SACS: variants seen among roughly 807,000 people sequenced by gnomAD.
SACS encodes sacsin.
Under a neutral mutation model 348.0 loss-of-function variants are expected in SACS, and 197 were observed. That is an observed-to-expected ratio of 0.57 (90% CI 0.50 to 0.64). The LOEUF is 0.64. SACS is among the 30% of genes least tolerant of loss of function. The probability of loss-of-function intolerance (pLI) is 0.00; values close to 1 mark genes in which losing one functional copy is unlikely to be tolerated. For synonymous variants in SACS, 1,985 were observed against 1,910.6 expected, an observed-to-expected ratio of 1.04 and a Z score of -1.02; for missense variants, 4,999 against 5,360.8, an observed-to-expected ratio of 0.93 and a Z score of 2.11.
Position 23,329,124 on chromosome 13 carries a change from G to T in SACS, c.*1012C>A. 1 of 302,538 alleles carries T rather than the reference G, an allele frequency of 3.3e-6. No individual in the cohort carries two copies. The highest frequency in any genetic ancestry group is 6.0e-6 in the Non-Finnish European group (1 of 167,514). 18.7% of individuals were successfully genotyped at this position (302,538 alleles called of 1,614,324 possible). A position where few individuals can be genotyped will look rare whatever the true frequency, so the allele number is the denominator to read the frequency against. Reference sequence around the variant, plus strand: ...CGAGACAAACATGAATTAAATGTCAGTTCTGATCATTCATGGGGAAATATA... The same window carrying T: ...CGAGACAAACATGAATTAAATGTCATTTCTGATCATTCATGGGGAAATATA... On this transcript the variant is annotated 3_prime_UTR_variant, in exon 10 of 10. Coordinates refer to ENST00000382292, the MANE Select transcript of SACS (RefSeq NM_014363.6).
At chr13:23,376,705 G>A (rs1871821326) in intron 2 of SACS, among the ~76,000 whole-genome samples, 2 of 152,158 alleles carry the variant, frequency 1.3e-5, no homozygotes, top group African/African-American at 4.8e-5. Context: ...TCAATTGGAG[G>A]AGAATATGGT....
At chr13:23,412,213 C>T (rs1016241548) in intron 1 of SACS, among the ~76,000 whole-genome samples, 1 of 151,990 alleles carries the variant, frequency 6.6e-6, no homozygotes, top group Non-Finnish European at 1.5e-5. Context: ...GAGCCAAGAT[C>T]GCGCCACTGC....
chr13:23,340,404 G>A lies in SACS; in HGVS notation c.3472C>T (p.Pro1158Ser), dbSNP rs572444492. The A allele has an allele frequency of 1.4e-5, 22 of 1,614,114 alleles. No individual in the cohort carries two copies. The South Asian group carries it at 2.2e-4, about 16-fold the overall frequency. ...KMTLKKIKWV[P>S]ACKERPPNYP... The stretch of plus-strand genomic sequence containing the variant: ...TTTGGAGGCCTTTCCTTGCAGGCTG[G>A]AACCCATTTTATTTTCTTCAATGTC... Residue 1158 changes from proline (P) to serine (S), a missense_variant, in exon 10 of 10, where the codon CCA becomes TCA. Pro to Ser is a moderately conservative substitution (Grantham distance 74). This residue lies in a region of SACS where 3,156 missense variants were observed against 3,380.1 expected (regional missense o/e 0.93). Coordinates refer to ENST00000382292, the MANE Select transcript of SACS (RefSeq NM_014363.6).
intron 9 of SACS, among the ~76,000 whole-genome samples, chr13:23,349,111 T>C (rs1382522626): frequency 6.6e-6 from 1 of 152,196 alleles, no homozygotes; most frequent in Non-Finnish European, 1.5e-5. Context: ...CTGGAAAACC[T>C]GCAGCAGGAG....
intron 6 of SACS, among the ~76,000 whole-genome samples, chr13:23,364,867 A>G (rs546279067): frequency 6.6e-6 from 1 of 152,312 alleles, no homozygotes; most frequent in African/African-American, 2.4e-5. Context: ...ACTATACATA[A>G]ATGGTGTCCC....
At chr13:23,358,673 A>T (rs1404353390) in intron 6 of SACS, among the ~76,000 whole-genome samples, 192 bp from the exon 7 acceptor site, 7 of 152,342 alleles carry the variant, frequency 4.6e-5, no homozygotes, top group African/African-American at 1.7e-4. Context: ...AAAAATTAGC[A>T]GCAGAAGAAA....
chr13:23,332,533 A>C lies in SACS; in HGVS notation c.11343T>G (p.Ser3781Arg). ...KVLRSIYEFL[S>R]AEKREFRFQL... Reference sequence around the variant, plus strand: ...GAAAACGAAATTCCCTTTTTTCTGCACTGAGGAATTCATATATGCTCCTTA... The same window carrying C: ...GAAAACGAAATTCCCTTTTTTCTGCCCTGAGGAATTCATATATGCTCCTTA... The change falls in exon 10 of 10, where the codon AGT (serine) becomes AGG (arginine). Residue 3781 changes from serine (S) to arginine (R), a missense_variant. Coordinates refer to ENST00000382292, the MANE Select transcript of SACS (RefSeq NM_014363.6). 6.2e-7 allele frequency: 1 copy of C among 1,613,974 alleles called. No individual in the cohort carries two copies. Among genetic ancestry groups the C allele is most frequent in the Non-Finnish European group, 8.5e-7 (1 of 1,179,916 alleles).
At position 23,380,171 on chromosome 13, in the gene SACS, A is replaced by AGAG. The variant is rs1871995608; in HGVS notation, c.21-4903_21-4902insCTC. 9.6e-4 allele frequency among the ~76,000 whole-genome samples: 121 copies of AGAG among 125,654 alleles called. 1 individual carries two copies. Among genetic ancestry groups the AGAG allele is most frequent in the African/African-American group, 3.5e-3 (117 of 33,146 alleles). The allele number at this position is 125,654 out of a possible 152,430, so 82.4% of individuals were successfully genotyped here. A position where few individuals can be genotyped will look rare whatever the true frequency, so the allele number is the denominator to read the frequency against. On this transcript the variant is annotated intron_variant, in intron 2 of 9. Transcript: ENST00000382292. Reference sequence around the variant, plus strand: ...TGTGAGAGAGAGAGAGAGAGAGAGAAAGAGAGGGAGAGTGTGTTTACAAAG... The same window carrying AGAG: ...TGTGAGAGAGAGAGAGAGAGAGAGAAGAGAGAGAGGGAGAGTGTGTTTACAAAG...
intron 2 of SACS, among the ~76,000 whole-genome samples, chr13:23,380,443 G>A (rs923770031): frequency 2.0e-5 from 3 of 152,184 alleles, no homozygotes; most frequent in Admixed American, 6.5e-5. Flanking sequence ...AGTCAGTCCT[G>A]CAACTGTCTC....
Position 23,340,163 on chromosome 13 carries a change from T to C in SACS, c.3713A>G (p.Lys1238Arg). ...ATAGTAGTCTTCATCACTAAAGGTT[T>C]TTGAAGAATACCAATCAACAACAAT... ...FKIVVDWYSS[K>R]TFSDEDYYQF... Residue 1238 changes from lysine to arginine, a missense_variant, in exon 10 of 10, where the codon AAA becomes AGA. By Grantham distance (26) the Lys-to-Arg change is conservative. Transcript: ENST00000382292. 6.2e-7 allele frequency: 1 copy of C among 1,613,258 alleles called. No homozygotes were observed. Among genetic ancestry groups the C allele is most frequent in the Non-Finnish European group, 8.5e-7 (1 of 1,179,506 alleles).
At chr13:23,350,597 G>C (rs1869888286) in intron 9 of SACS, among the ~76,000 whole-genome samples, 1 of 152,154 alleles carries the variant, frequency 6.6e-6, no homozygotes, top group Non-Finnish European at 1.5e-5. Flanking sequence ...TTATGCAGTA[G>C]TACTTCCAAG....
chr13:23,353,737 T>A (rs1317184210), intron 9 of SACS, 48 bp downstream of exon 9: 1 of 1,081,946 alleles, frequency 9.2e-7, no homozygotes, highest in Non-Finnish European at 1.4e-6. Context: ...TTAAAAAACT[T>A]GTATTTTTAT....
At position 23,331,128 on chromosome 13, in the gene SACS, C is replaced by T. The variant is rs757366109; in HGVS notation, c.12748G>A (p.Glu4250Lys). ...LDLYKFSRPE[E>K]SSQSRDSAPS... Reference sequence around the variant, plus strand: ...GCACTGTCCCTGCTTTGAGAGCTTTCCTCAGGTCTTGAAAACTTATACAGA... The same window carrying T: ...GCACTGTCCCTGCTTTGAGAGCTTTTCTCAGGTCTTGAAAACTTATACAGA... Residue 4250 changes from glutamate (E) to lysine (K), a missense_variant, in exon 10 of 10, where the codon GAA (glutamate) becomes AAA (lysine). This residue lies in a region of SACS where 831 missense variants were observed against 941.8 expected (regional missense o/e 0.88). Coordinates refer to ENST00000382292, the MANE Select transcript of SACS (RefSeq NM_014363.6). 6.2e-7 allele frequency: 1 copy of T among 1,614,088 alleles called. No homozygotes were observed. The highest frequency in any genetic ancestry group is 8.5e-7 in the Non-Finnish European group (1 of 1,179,986).
At chr13:23,422,274 G>A (rs1056712033) in intron 1 of SACS, among the ~76,000 whole-genome samples, 2 of 152,130 alleles carry the variant, frequency 1.3e-5, no homozygotes, top group Non-Finnish European at 2.9e-5. Context: ...CTAAAAACAA[G>A]CCATGTGAGA....
At chr13:23,362,665 A>C (rs533389853) in intron 6 of SACS, among the ~76,000 whole-genome samples, 1 of 145,882 alleles carries the variant, frequency 6.9e-6, no homozygotes, top group Non-Finnish European at 1.5e-5. Context: ...GGCTCACTGC[A>C]ATCTCCACCT....
Position 23,340,567 on chromosome 13 carries a change from A to G in SACS, c.3309T>C (p.Val1103=), listed in dbSNP as rs2137636612. ...CTTCAATTTTTTTTGCCACTTGCAC[A>G]ACATCCTTTTCTTTGAGACTGGCTT... ...KNEASLKEKD[V]VQVAKKIEAL... The change falls in exon 10 of 10, where the codon GTT becomes GTC. Residue 1103 remains valine (V), a synonymous_variant. Transcript: ENST00000382292. 1 of 1,613,660 alleles carries G rather than the reference A, an allele frequency of 6.2e-7. No homozygotes were observed. Among genetic ancestry groups the G allele is most frequent in the Non-Finnish European group, 8.5e-7 (1 of 1,179,912 alleles).
chr13:23,418,284 C>T (rs185072118), intron 1 of SACS, among the ~76,000 whole-genome samples: 2 of 152,096 alleles, frequency 1.3e-5, no homozygotes, highest in East Asian at 3.9e-4. Flanking sequence ...ATGGATAATA[C>T]CTTCATTTAA....
At position 23,397,395 on chromosome 13, in the gene SACS, A is replaced by G. The variant is rs1214741621; in HGVS notation, c.20+13825T>C. Among the ~76,000 whole-genome samples the G allele has an allele frequency of 2.0e-5, 3 of 147,148 alleles. No individual in the cohort carries two copies. The Admixed American group carries it at 2.1e-4, about 10-fold the overall frequency. ...GTTTGTGAGAAATATTGCAAAAGGA[A>G]TCTTATCTCATGTGGCCAAAGCTCA... On this transcript the variant is annotated intron_variant, in intron 2 of 9. Transcript: ENST00000382292.
At chr13:23,377,792 C>T (rs1391744100) in intron 2 of SACS, among the ~76,000 whole-genome samples, 1 of 152,200 alleles carries the variant, frequency 6.6e-6, no homozygotes, top group Non-Finnish European at 1.5e-5. Context: ...TCCTCCTGGC[C>T]TTGTCTCCTT....
Sources: gnomAD v4.1 joint callset for allele counts (sites outside exome capture counted in the v4.1 genomes callset) on GRCh38, gnomAD v4.1.1 for gene constraint, gnomAD v4.1.1 regional missense constraint, MANE v1.5 for transcripts, NCBI Gene and HGNC (gene_info 2026-07-23, HGNC 2026-07-21) for gene names.